ITGA6: variants seen among roughly 807,000 people sequenced by gnomAD.
ITGA6 encodes the protein integrin alpha-6.
Under a neutral mutation model 133.6 loss-of-function variants are expected in ITGA6, and 63 were observed. The ratio of observed to expected loss-of-function variants is 0.47; its 90% confidence interval spans 0.38 to 0.58. The LOEUF (loss-of-function observed/expected upper bound fraction) is 0.58. Ranked by LOEUF, ITGA6 falls within the 20% of genes least tolerant of loss-of-function variation. The pLI is 0.00. For synonymous variants in ITGA6, 434 were observed against 482.0 expected (o/e 0.90, Z 1.30); for missense variants, 1,068 against 1,309.4 (o/e 0.82, Z 2.85).
chr2:172,458,747 G>A (rs974837525), intron 1 of ITGA6, among the ~76,000 whole-genome samples: 2 of 152,146 alleles, frequency 1.3e-5, no homozygotes, highest in African/African-American at 4.8e-5. Context: ...GGCAATGGCC[G>A]AAGCAAACCA....
chr2:172,460,380 A>C (rs2149029513), intron 1 of ITGA6, among the ~76,000 whole-genome samples: 1 of 152,348 alleles, frequency 6.6e-6, no homozygotes, highest in African/African-American at 2.4e-5. Flanking sequence ...GATTTCTGTC[A>C]AAAGTTGAAG....
In ITGA6 at chr2:172,501,754, T is replaced by C; in HGVS notation, c.3115-18T>C. 6.2e-7 allele frequency: 1 copy of C among 1,610,542 alleles called. No homozygotes were observed. The stretch of plus-strand genomic sequence containing the variant: ...ACACAAAACTGTAAAATTGACTAAA[T>C]ACCTTGCTTCCTTGTAGTGTGGTTT... On this transcript the variant is annotated intron_variant, in intron 24 of 25. Coordinates refer to ENST00000684293, the MANE Select transcript of ITGA6 (RefSeq NM_000210.4).
intron 11 of ITGA6, among the ~76,000 whole-genome samples, chr2:172,484,112 C>CT (rs1181901315): frequency 6.6e-6 from 1 of 152,148 alleles, no homozygotes; most frequent in Non-Finnish European, 1.5e-5. Flanking sequence ...TGCCCATCCT[C>CT]TTTTTTATTT....
At chr2:172,490,351 A>T (rs962257425) in intron 20 of ITGA6, among the ~76,000 whole-genome samples, 2 of 152,196 alleles carry the variant, frequency 1.3e-5, no homozygotes, top group African/African-American at 4.8e-5. Context: ...CTCCATGCTT[A>T]GATAACTGGC....
intron 1 of ITGA6, among the ~76,000 whole-genome samples, chr2:172,447,479 A>G: frequency 6.6e-6 from 1 of 152,222 alleles, no homozygotes; most frequent in East Asian, 1.9e-4. Context: ...TGCTACGATT[A>G]CAGGTGTGAG....
intron 11 of ITGA6, among the ~76,000 whole-genome samples, chr2:172,481,633 C>T (rs79437690): frequency 0.08 from 12,212 of 152,178 alleles, 1,352 homozygotes; most frequent in East Asian, 0.51. Flanking sequence ...GTTTCTCCGT[C>T]TCCCCTTCTG....
chr2:172,488,324 T>C, intron 19 of ITGA6, 96 bp downstream of exon 19: 1 of 832,030 alleles, frequency 1.2e-6, no homozygotes, highest in Non-Finnish European at 2.1e-6. Flanking sequence ...GCAATATTAA[T>C]AAGCATTGTA....
In ITGA6 at chr2:172,442,581, G is replaced by A. The variant is rs1559117291; in HGVS notation, c.182+14611G>A. Among the ~76,000 whole-genome samples the A allele has an allele frequency of 3.3e-5, 5 of 152,024 alleles. No individual in the cohort carries two copies. The South Asian group carries it at 8.3e-4, about 25-fold the overall frequency. On this transcript the variant is annotated intron_variant, in intron 1 of 25. Coordinates refer to ENST00000684293, the MANE Select transcript of ITGA6 (RefSeq NM_000210.4). Reference sequence around the variant, plus strand: ...TTATGCTGCAGCTCACTTGACTGTGGGACTCCCTAGGAAAGCTTATCTACC... The same window carrying A: ...TTATGCTGCAGCTCACTTGACTGTGAGACTCCCTAGGAAAGCTTATCTACC...
intron 15 of ITGA6, 38 bp from the exon 16 acceptor site, chr2:172,487,509 A>G (rs921811851): frequency 3.7e-6 from 6 of 1,611,360 alleles, no homozygotes; most frequent in Non-Finnish European, 5.1e-6. Flanking sequence ...TGTGTGGCAA[A>G]TGAGTGGATT....
intron 25 of ITGA6, 55 bp from the exon 26 acceptor site, chr2:172,504,018 AGACATTCCCATTTAGTGT>A: frequency 1.7e-6 from 2 of 1,197,520 alleles, no homozygotes; most frequent in African/African-American, 3.7e-5. Context: ...CAGAAAGCTT[AGACATTCCCATTTAGTGT>A]ATTTGCTTCT....
chr2:172,491,141 C>T lies in ITGA6; in HGVS notation c.2778+19C>T. ...GACTCTTGTAAGTATTTTTCAAGAGCTGTGAATATTTGAGAGGATGAGGGG... is the reference window on the plus strand; with the variant it reads ...GACTCTTGTAAGTATTTTTCAAGAGTTGTGAATATTTGAGAGGATGAGGGG... On this transcript the variant is annotated intron_variant, in intron 21 of 25. Coordinates refer to ENST00000684293, the MANE Select transcript of ITGA6 (RefSeq NM_000210.4). This position sits in a 1 kb window ranked among gnomAD's most constrained non-coding sequence, Gnocchi z 4.4. 1.4e-6 allele frequency: 2 copies of T among 1,437,442 alleles called. No individual in the cohort carries two copies. The highest frequency in any genetic ancestry group is 2.0e-6 in the Non-Finnish European group (2 of 1,018,962). 89.0% of individuals were successfully genotyped at this position (1,437,442 alleles called of 1,614,324 possible).
chr2:172,488,005 A>C lies in ITGA6; in HGVS notation c.2369A>C (p.Lys790Thr). 6.2e-7 allele frequency: 1 copy of C among 1,614,078 alleles called. No homozygotes were observed. The highest frequency in any genetic ancestry group is 1.1e-5 in the South Asian group (1 of 91,062). The change falls in exon 18 of 26, where the codon AAA becomes ACA. Residue 790 changes from lysine (K) to threonine (T), a missense_variant. Physicochemically the swap from Lys to Thr is moderately conservative, Grantham distance 78 (BLOSUM62 -1). Transcript: ENST00000684293. The stretch of plus-strand genomic sequence containing the variant: ...TTGGCTCCAATTACAGCTAAAGCAA[A>C]AGTGGTTATTGAACTGCTTTTATCG... ...DNLAPITAKA[K>T]VVIELLLSVS...
In ITGA6 at chr2:172,427,710, C is replaced by CA; in HGVS notation, c.-78dup. The CA allele has an allele frequency of 7.2e-7, 1 of 1,396,180 alleles. No individual in the cohort carries two copies. The highest frequency in any genetic ancestry group is 1.6e-5 in the South Asian group (1 of 61,002). 86.5% of individuals were successfully genotyped at this position (1,396,180 alleles called of 1,614,324 possible). ...GAGGCGAAGGTGGCTGCGGTAGCAG[C>CA]AGCGCGGCAGCCTCGGACCCAGCCC... On this transcript the variant is annotated 5_prime_UTR_variant, in exon 1 of 26. Coordinates refer to ENST00000684293, the MANE Select transcript of ITGA6 (RefSeq NM_000210.4).
chr2:172,484,112 C>T (rs1438850065), intron 11 of ITGA6, among the ~76,000 whole-genome samples: 2 of 152,148 alleles, frequency 1.3e-5, no homozygotes, highest in Non-Finnish European at 2.9e-5. Flanking sequence ...TGCCCATCCT[C>T]TTTTTTATTT....
rs1457733970 is a variant in ITGA6, at chr2:172,487,729, T to G, written c.2246T>G (p.Val749Gly). 6.2e-7 allele frequency: 1 copy of G among 1,610,756 alleles called. No homozygotes were observed. The highest frequency in any genetic ancestry group is 1.3e-5 in the African/African-American group (1 of 74,818). Residue 749 changes from valine to glycine, a missense_variant and splice_region_variant, in exon 17 of 26, where the codon GTC (valine) becomes GGC (glycine). By Grantham distance (109) the Val-to-Gly change is moderately radical. Transcript: ENST00000684293. Reference sequence around the variant, plus strand: ...TAACAGCTATTTATGTTTTTTTAGGTCACTTTTTATTTGGTTTTAAGTACA... The same window carrying G: ...TAACAGCTATTTATGTTTTTTTAGGGCACTTTTTATTTGGTTTTAAGTACA... ...LGNPFKRNSN[V>G]TFYLVLSTTE...
At chr2:172,486,617 C>T (rs891667013) in intron 13 of ITGA6, among the ~76,000 whole-genome samples, 4 of 152,044 alleles carry the variant, frequency 2.6e-5, no homozygotes, top group African/African-American at 4.8e-5. Context: ...GTATTATAAT[C>T]GTTGGTATCA....
intron 13 of ITGA6, among the ~76,000 whole-genome samples, chr2:172,485,789 G>A (rs971296856): frequency 6.6e-6 from 1 of 152,200 alleles, no homozygotes; most frequent in African/African-American, 2.4e-5. Flanking sequence ...ATGAGGTGGG[G>A]TCTGTTTGCT....
intron 1 of ITGA6, among the ~76,000 whole-genome samples, chr2:172,430,428 C>G (rs1181127590): frequency 1.3e-5 from 2 of 152,146 alleles, no homozygotes; most frequent in African/African-American, 4.8e-5. Context: ...ATGTTCAAAG[C>G]AACTTAACTT....
At chr2:172,448,665 G>GT (rs1485959180) in intron 1 of ITGA6, among the ~76,000 whole-genome samples, 1 of 152,162 alleles carries the variant, frequency 6.6e-6, no homozygotes. Context: ...TGGAGTTGTA[G>GT]TTTATAGTCA....
Sources: gnomAD v4.1 joint callset for allele counts (sites outside exome capture counted in the v4.1 genomes callset) on GRCh38, gnomAD v4.1.1 for gene constraint, Gnocchi (gnomAD v3.1) non-coding constraint, MANE v1.5 for transcripts, NCBI Gene and HGNC (gene_info 2026-07-23, HGNC 2026-07-21) for gene names.